The following FCHSD2 variants were observed in gnomAD, a reference collection of about 807,000 sequenced individuals.
FCHSD2 encodes FCH and double SH3 domains 2.
Under a neutral mutation model 108.1 loss-of-function variants are expected in FCHSD2, and 38 were observed. The ratio of observed to expected loss-of-function variants is 0.35; its 90% CI spans 0.27 to 0.46. FCHSD2 has a LOEUF of 0.46. Ranked by LOEUF, FCHSD2 falls within the 20% of genes least tolerant of loss-of-function variation. The pLI is 1.00. For synonymous variants in FCHSD2, 279 were observed against 314.7 expected (o/e 0.89, Z 1.20); for missense variants, 751 against 897.8 (o/e 0.84, Z 2.09).
At chr11:72,887,435 C>A (rs1855220732) in intron 12 of FCHSD2, 35 bp downstream of exon 12, 3 of 1,381,730 alleles carry the variant, frequency 2.2e-6, no homozygotes, top group Non-Finnish European at 3.1e-6. Flanking sequence ...TGTCATTAGA[C>A]CTGGGCAAAA....
intron 4 of FCHSD2, among the ~76,000 whole-genome samples, chr11:73,005,923 T>A (rs1005577355): frequency 6.8e-6 from 1 of 146,412 alleles, no homozygotes; most frequent in Non-Finnish European, 1.5e-5. Flanking sequence ...TTTTTTTTTT[T>A]AAAGAGGCAG....
At chr11:73,011,449 C>T (rs1857862297) in intron 4 of FCHSD2, among the ~76,000 whole-genome samples, 1 of 152,200 alleles carries the variant, frequency 6.6e-6, no homozygotes, top group Admixed American at 6.5e-5. Flanking sequence ...ACACTGCTAA[C>T]CTAACAGTGT....
chr11:72,848,176 CTAAGGATCTT>C (rs1399661192), intron 14 of FCHSD2, among the ~76,000 whole-genome samples: 2 of 152,174 alleles, frequency 1.3e-5, no homozygotes, highest in Admixed American at 6.5e-5. Context: ...TTCAGGCCAT[CTAAGGATCTT>C]CCTAGCCAGG....
intron 2 of FCHSD2, among the ~76,000 whole-genome samples, chr11:73,122,206 A>C (rs1303915465): frequency 6.6e-6 from 1 of 152,180 alleles, no homozygotes; most frequent in Non-Finnish European, 1.5e-5. Context: ...TCAAAGCCAA[A>C]TCAATAAGAA....
intron 8 of FCHSD2, among the ~76,000 whole-genome samples, chr11:72,948,917 G>C (rs1033523474): frequency 6.6e-6 from 1 of 151,432 alleles, no homozygotes; most frequent in Admixed American, 6.6e-5. Context: ...TGCCCACCTC[G>C]GCCTCCCAAA....
At chr11:72,921,996 T>C (rs753389230) in intron 8 of FCHSD2, 46 bp from the exon 9 acceptor site, 16 of 1,416,982 alleles carry the variant, frequency 1.1e-5, no homozygotes, top group Non-Finnish European at 1.5e-5. Context: ...CAGTAAAGCC[T>C]TGACATATGA....
At chr11:72,890,607 T>C (rs1442948130) in intron 10 of FCHSD2, among the ~76,000 whole-genome samples, 1 of 151,962 alleles carries the variant, frequency 6.6e-6, no homozygotes, top group East Asian at 1.9e-4. Context: ...AACCACAAAA[T>C]CTAAATAAAA....
At chr11:72,875,265 A>G (rs180978966) in intron 12 of FCHSD2, among the ~76,000 whole-genome samples, 32 of 152,320 alleles carry the variant, frequency 2.1e-4, no homozygotes, top group Non-Finnish European at 3.8e-4. Context: ...AGCTCCAAAC[A>G]GCTTTTATCA....
intron 4 of FCHSD2, among the ~76,000 whole-genome samples, chr11:73,010,865 G>C (rs1857846936): frequency 6.6e-6 from 1 of 152,212 alleles, no homozygotes; most frequent in Non-Finnish European, 1.5e-5. Flanking sequence ...GCAGTGAGCT[G>C]GGTGGGTGGG....
intron 3 of FCHSD2, among the ~76,000 whole-genome samples, chr11:73,070,015 C>A (rs1270491360): frequency 6.6e-6 from 1 of 152,164 alleles, no homozygotes; most frequent in Non-Finnish European, 1.5e-5. Flanking sequence ...GAATTTTCAA[C>A]TGAATTTCCA....
intron 2 of FCHSD2, among the ~76,000 whole-genome samples, chr11:73,104,826 G>C (rs758098547): frequency 2.6e-5 from 4 of 152,144 alleles, no homozygotes; most frequent in Non-Finnish European, 5.9e-5. Context: ...CCAAAGTGCT[G>C]GGATTACAGG....
intron 5 of FCHSD2, among the ~76,000 whole-genome samples, chr11:72,997,087 C>T (rs1857532433): frequency 6.6e-6 from 1 of 152,172 alleles, no homozygotes; most frequent in Non-Finnish European, 1.5e-5. Context: ...TATGCAATTT[C>T]CCCTTGGGTT....
rs1860905297 is a variant in FCHSD2 at position 72,840,871 on chromosome 11, A to G, written c.2139+6T>C. 1 of 1,588,278 alleles carries G rather than the reference A, an allele frequency of 6.3e-7. No individual in the cohort carries two copies. The highest frequency in any genetic ancestry group is 8.6e-7 in the Non-Finnish European group (1 of 1,156,566). ...ATTCGATAATCCTGCAAGATCAGAGACTTACAGGTCGCAGTTTGCCATATG... is the reference window on the plus strand; with the variant it reads ...ATTCGATAATCCTGCAAGATCAGAGGCTTACAGGTCGCAGTTTGCCATATG... On this transcript the variant is annotated splice_donor_region_variant and intron_variant, in intron 19 of 19. Coordinates refer to ENST00000409418, the MANE Select transcript of FCHSD2 (RefSeq NM_014824.3).
intron 8 of FCHSD2, among the ~76,000 whole-genome samples, chr11:72,967,160 A>G (rs1002628974): frequency 4.0e-5 from 6 of 151,564 alleles, no homozygotes; most frequent in African/African-American, 1.5e-4. Flanking sequence ...AGATCGCGCC[A>G]CTGCACTCCA....
intron 3 of FCHSD2, among the ~76,000 whole-genome samples, chr11:73,017,709 C>T (rs1858005259): frequency 6.6e-6 from 1 of 152,172 alleles, no homozygotes; most frequent in Non-Finnish European, 1.5e-5. Flanking sequence ...TTCACCTCTG[C>T]ACCTTGTTCA....
intron 2 of FCHSD2, among the ~76,000 whole-genome samples, chr11:73,096,108 G>A (rs1433161368): frequency 1.3e-5 from 2 of 151,948 alleles, no homozygotes; most frequent in South Asian, 2.1e-4. Flanking sequence ...CTAAACAGAC[G>A]TAAAATTTTT....
intron 19 of FCHSD2, among the ~76,000 whole-genome samples, chr11:72,840,651 A>G (rs568480826): frequency 6.6e-6 from 1 of 152,200 alleles, no homozygotes; most frequent in Non-Finnish European, 1.5e-5. Context: ...TCATCTTGCA[A>G]TCTCACTGTG....
At chr11:73,014,611 A>G (rs540350042) in intron 4 of FCHSD2, among the ~76,000 whole-genome samples, 1 of 152,226 alleles carries the variant, frequency 6.6e-6, no homozygotes, top group South Asian at 2.1e-4. Flanking sequence ...TCTGATGTCA[A>G]TCATCACTGA....
At chr11:72,896,192 A>G (rs2060072) in intron 10 of FCHSD2, among the ~76,000 whole-genome samples, 148,266 of 152,332 alleles carry the variant, frequency 0.97, 72,222 homozygotes, top group East Asian at 1. Flanking sequence ...GAAAGATCAT[A>G]CATCAGAAAT....
Sources: gnomAD v4.1 joint callset for allele counts (sites outside exome capture counted in the v4.1 genomes callset) on GRCh38, gnomAD v4.1.1 for gene constraint, MANE v1.5 for transcripts, NCBI Gene and HGNC (gene_info 2026-07-23, HGNC 2026-07-21) for gene names.